Variants in YLPM1 observed in about 807,000 individuals in gnomAD.
The protein encoded by YLPM1 is YLP motif-containing protein 1.
In YLPM1, 99 loss-of-function variants were observed where a neutral mutation model predicts 230.0. That is an observed-to-expected ratio of 0.43 (90% CI 0.37 to 0.51). The LOEUF is 0.51. Among genes scored for constraint, YLPM1 ranks in the 20% least tolerant of loss-of-function variants. YLPM1 has a pLI of 0.00. For synonymous variants in YLPM1, 984 were observed against 942.5 expected, an observed-to-expected ratio of 1.04 and a Z score of -0.81; for missense variants, 2,592 against 2,707.7, an observed-to-expected ratio of 0.96 and a Z score of 0.95.
chr14:74,835,205 A>AG (rs1319398882), intron 19 of YLPM1, 60 bp from the exon 20 acceptor site: 3 of 1,593,184 alleles, frequency 1.9e-6, no homozygotes, highest in African/African-American at 1.4e-5. Flanking sequence ...CCAGAGAGGG[A>AG]GGGGGCTCTT....
intron 19 of YLPM1, among the ~76,000 whole-genome samples, chr14:74,830,485 C>T (rs2091600352): frequency 6.6e-6 from 1 of 152,136 alleles, no homozygotes; most frequent in African/African-American, 2.4e-5. Flanking sequence ...TACAGAACTA[C>T]CATTCTTTTT....
At chr14:74,765,110 T>C (rs1183471935) in intron 1 of YLPM1, among the ~76,000 whole-genome samples, 1 of 152,084 alleles carries the variant, frequency 6.6e-6, no homozygotes, top group Non-Finnish European at 1.5e-5. Context: ...GTAAAAAAAG[T>C]TTGGTGATAT....
chr14:74,813,630 G>A (rs2091453878), intron 11 of YLPM1, among the ~76,000 whole-genome samples: 1 of 151,952 alleles, frequency 6.6e-6, no homozygotes. Context: ...ATGGATTCAG[G>A]ATACATGTGC....
In YLPM1 at chr14:74,763,981, C is replaced by T. The variant is rs1297376748; in HGVS notation, c.492C>T (p.Tyr164=). 2.6e-6 allele frequency: 4 copies of T among 1,537,678 alleles called. No homozygotes were observed. The highest frequency in any genetic ancestry group is 2.6e-6 in the Non-Finnish European group (3 of 1,137,618). The change falls in exon 1 of 21, where the codon TAC becomes TAT. Residue 164 remains tyrosine, a synonymous_variant. Coordinates refer to ENST00000325680, the MANE Select transcript of YLPM1 (RefSeq NM_019589.3). ...PGSYMPPSQS[Y]MPPPQPPPSY... ...CCTATATGCCCCCATCTCAGTCTTA[C>T]ATGCCCCCACCTCAGCCGCCACCCT...
At chr14:74,778,937 T>A (rs185887356) in intron 2 of YLPM1, among the ~76,000 whole-genome samples, 217 of 152,228 alleles carry the variant, frequency 1.4e-3, no homozygotes, top group South Asian at 3.5e-3. Context: ...GCCTCCCAGG[T>A]TCAGGCAATT....
At chr14:74,827,300 T>G in intron 18 of YLPM1, 1 of 973,772 alleles carries the variant, frequency 1.0e-6, no homozygotes, top group Non-Finnish European at 1.2e-6. Context: ...ACACCAGTCT[T>G]TATTCTGTAA....
intron 6 of YLPM1, among the ~76,000 whole-genome samples, chr14:74,803,069 C>T (rs899516621): frequency 1.3e-5 from 2 of 151,168 alleles, no homozygotes; most frequent in African/African-American, 2.4e-5. Flanking sequence ...CACCAGCCTT[C>T]GCAAAATGGT....
At chr14:74,796,380 A>G (rs1392340083) in intron 4 of YLPM1, among the ~76,000 whole-genome samples, 1 of 152,084 alleles carries the variant, frequency 6.6e-6, no homozygotes, top group Non-Finnish European at 1.5e-5. Flanking sequence ...TTGCTTCCTT[A>G]GCTTGAGGTG....
rs1293603644 is a variant in YLPM1, at chr14:74,835,392, A to G, written c.6422A>G (p.Asn2141Ser). The G allele has an allele frequency of 2.5e-6, 4 of 1,613,616 alleles. No homozygotes were observed. The highest frequency in any genetic ancestry group is 2.2e-5 in the East Asian group (1 of 44,858). ...ESGHLAEKAL[N>S]RTKYI ...GGTCACCTGGCTGAAAAAGCCCTCA[A>G]TCGAACCAAATATATATGAGACTTA... The change falls in exon 20 of 21, where the codon AAT (asparagine) becomes AGT (serine). Residue 2141 changes from asparagine (N) to serine (S), a missense_variant. By Grantham distance (46) the Asn-to-Ser change is conservative. Around this residue, in one of 4 missense-constraint regions of YLPM1, gnomAD observed 315 missense variants for 429.3 expected, o/e 0.73. Coordinates refer to ENST00000325680, the MANE Select transcript of YLPM1 (RefSeq NM_019589.3).
At chr14:74,824,585 T>C (rs1396561317) in intron 18 of YLPM1, among the ~76,000 whole-genome samples, 2 of 152,146 alleles carry the variant, frequency 1.3e-5, no homozygotes, top group Non-Finnish European at 2.9e-5. Context: ...AAATCTATTC[T>C]TTTATATTAA....
chr14:74,782,058 C>T lies in YLPM1; in HGVS notation c.2015C>T (p.Pro672Leu). The T allele has an allele frequency of 1.2e-6, 2 of 1,614,030 alleles. No homozygotes were observed. The highest frequency in any genetic ancestry group is 1.7e-6 in the Non-Finnish European group (2 of 1,179,892). ...VPEKPRPALLPTPVSFGSAPP... is the reference protein window; with the variant it reads ...VPEKPRPALLLTPVSFGSAPP... ...GAGAAACCTAGACCAGCACTGCTTC[C>T]TACTCCTGTGTCTTTTGGTTCTGCC... is the stretch of plus-strand genomic sequence containing the variant. Residue 672 changes from proline to leucine, a missense_variant, in exon 4 of 21, where the codon CCT becomes CTT. By Grantham distance (98) the Pro-to-Leu change is moderately conservative. Coordinates refer to ENST00000325680, the MANE Select transcript of YLPM1 (RefSeq NM_019589.3).
intron 16 of YLPM1, among the ~76,000 whole-genome samples, chr14:74,819,709 A>G (rs553105331): frequency 5.9e-5 from 9 of 152,078 alleles, no homozygotes; most frequent in East Asian, 3.9e-4. Context: ...CATTTCCTCT[A>G]TTGATTAATT....
Position 74,782,931 on chromosome 14 carries a change from T to G in YLPM1, c.2282+606T>G, listed in dbSNP as rs115192993. Among the ~76,000 whole-genome samples, 1,046 of 152,264 alleles carry G rather than the reference T, an allele frequency of 6.9e-3. 15 individuals carry two copies. Among genetic ancestry groups the G allele is most frequent in the African/African-American group, 0.024 (1,005 of 41,554 alleles). ...ACTTCTGTTTATCCTGAACAACATA[T>G]TTAGAAAGAAAAAAAATTGCTGGTG... On this transcript the variant is annotated intron_variant, in intron 4 of 20. Coordinates refer to ENST00000325680, the MANE Select transcript of YLPM1 (RefSeq NM_019589.3).
intron 9 of YLPM1, among the ~76,000 whole-genome samples, chr14:74,810,893 A>G (rs1411845373): frequency 6.6e-6 from 1 of 152,080 alleles, no homozygotes; most frequent in African/African-American, 2.4e-5. Context: ...GCGCAGTCTC[A>G]GCTCACTGCA....
chr14:74,771,460 A>T (rs1321516907), intron 1 of YLPM1, among the ~76,000 whole-genome samples: 1 of 152,204 alleles, frequency 6.6e-6, no homozygotes, highest in Non-Finnish European at 1.5e-5. Context: ...GTGCAAAAGT[A>T]ATTGCAGTTT....
At chr14:74,831,089 T>A (rs61978926) in intron 19 of YLPM1, among the ~76,000 whole-genome samples, 41 of 152,354 alleles carry the variant, frequency 2.7e-4, no homozygotes, top group Non-Finnish European at 5.0e-4. Context: ...ACTCTTTAAC[T>A]TTTGACAATC....
intron 4 of YLPM1, among the ~76,000 whole-genome samples, chr14:74,784,209 TTC>T (rs1262304960): frequency 1.3e-5 from 2 of 152,242 alleles, no homozygotes; most frequent in Non-Finnish European, 2.9e-5. Flanking sequence ...TGTTAATATT[TTC>T]TCTCTTTGCC....
chr14:74,798,901 G>A lies in YLPM1; in HGVS notation c.3604G>A (p.Glu1202Lys). The A allele has an allele frequency of 6.2e-7, 1 of 1,613,966 alleles. No homozygotes were observed. The highest frequency in any genetic ancestry group is 8.5e-7 in the Non-Finnish European group (1 of 1,179,876). Reference sequence around the variant, plus strand: ...GAACCATGGAGAAGAGCGAGGGCATGAAGAGTTTCCATTAGATGGTAGAAA... The same window carrying A: ...GAACCATGGAGAAGAGCGAGGGCATAAAGAGTTTCCATTAGATGGTAGAAA... ...PWNHGEERGH[E>K]EFPLDGRNAP... Residue 1202 changes from glutamate to lysine, a missense_variant, in exon 5 of 21, where the codon GAA (glutamate) becomes AAA (lysine). Coordinates refer to ENST00000325680, the MANE Select transcript of YLPM1 (RefSeq NM_019589.3).
chr14:74,790,806 AG>A, intron 4 of YLPM1, among the ~76,000 whole-genome samples: 1 of 152,340 alleles, frequency 6.6e-6, no homozygotes, highest in East Asian at 1.9e-4. Context: ...TTATATTTAA[AG>A]GTGGCTTATT....
Sources: allele counts gnomAD v4.1 joint callset (sites outside exome capture counted in the v4.1 genomes callset), GRCh38; gene constraint gnomAD v4.1.1; regional missense constraint gnomAD v4.1.1; transcripts MANE v1.5; gene names NCBI Gene and HGNC (gene_info 2026-07-23, HGNC 2026-07-21).